Variants in ZPBP observed in about 807,000 individuals in gnomAD.
ZPBP encodes zona pellucida binding protein.
Under a neutral mutation model 44.8 loss-of-function variants are expected in ZPBP, and 26 were observed. The ratio of observed to expected loss-of-function variants is 0.58; its 90% CI spans 0.43 to 0.81. ZPBP has a LOEUF of 0.81. ZPBP is among the 30% of genes least tolerant of loss of function. The pLI, the probability that ZPBP is intolerant of heterozygous loss-of-function variation, is 0.00. For missense variants in ZPBP, 409 were observed against 434.0 expected, an observed-to-expected ratio of 0.94 and a Z score of 0.51; for synonymous variants, 174 against 153.2, an observed-to-expected ratio of 1.14 and a Z score of -1.00.
chr7:50,040,424 C>T (rs896705366), intron 4 of ZPBP, among the ~76,000 whole-genome samples: 22 of 152,298 alleles, frequency 1.4e-4, no homozygotes, highest in South Asian at 4.1e-4. Flanking sequence ...GCGAGATCAA[C>T]GCAGAAGGCA....
At position 50,021,249 on chromosome 7, in the gene ZPBP, A is replaced by G. The variant is rs1799078542; in HGVS notation, c.707-2933T>C. 2.0e-5 allele frequency among the ~76,000 whole-genome samples: 3 copies of G among 152,112 alleles called. No homozygotes were observed. The South Asian group carries it at 6.2e-4, about 31-fold the overall frequency. On this transcript the variant is annotated intron_variant, in intron 5 of 7. Coordinates refer to ENST00000046087, the MANE Select transcript of ZPBP (RefSeq NM_007009.3). ...TCAGCTATCTTAAATATGCTCAAAGAACTAAAGAAAACCATGAACAAAGAA... is the reference window on the plus strand; with the variant it reads ...TCAGCTATCTTAAATATGCTCAAAGGACTAAAGAAAACCATGAACAAAGAA...
intron 6 of ZPBP, among the ~76,000 whole-genome samples, chr7:49,989,687 C>T (rs904325421): frequency 3.3e-5 from 5 of 152,156 alleles, no homozygotes; most frequent in African/African-American, 1.2e-4. Flanking sequence ...AGTAACCCTG[C>T]TTATTCCTGT....
At position 50,031,135 on chromosome 7, in the gene ZPBP, C is replaced by T; in HGVS notation, c.663G>A (p.Met221Ile). Residue 221 changes from methionine to isoleucine, a missense_variant, in exon 5 of 8, where the codon ATG becomes ATA. Physicochemically the swap from Met to Ile is conservative, Grantham distance 10. This residue lies in a region of ZPBP where 367 missense variants were observed against 363.1 expected (regional missense o/e 1.01). Coordinates refer to ENST00000046087, the MANE Select transcript of ZPBP (RefSeq NM_007009.3). The stretch of plus-strand genomic sequence containing the variant: ...ATTCATTTTGCAAACCAGCTCTTTG[C>T]ATTTTAACGCGATGGCATTCAGACT... ...LLKSECHRVK[M>I]QRAGLQNELF... The T allele has an allele frequency of 6.2e-7, 1 of 1,613,724 alleles. No homozygotes were observed. Among genetic ancestry groups the T allele is most frequent in the Non-Finnish European group, 8.5e-7 (1 of 1,179,834 alleles).
intron 3 of ZPBP, among the ~76,000 whole-genome samples, chr7:50,075,718 C>G (rs897291152): frequency 1.3e-5 from 2 of 151,908 alleles, no homozygotes; most frequent in African/African-American, 4.8e-5. Flanking sequence ...CATTCAAAAG[C>G]TGAACAGACC....
intron 2 of ZPBP, among the ~76,000 whole-genome samples, chr7:49,897,155 A>G (rs1212496312): frequency 1.3e-5 from 2 of 151,988 alleles, no homozygotes; most frequent in African/African-American, 4.8e-5. Context: ...TCGGCCTCCC[A>G]AAGTGCTGGG....
intron 1 of ZPBP, chr7:49,920,752 C>A (rs1793982963): frequency 6.6e-6 from 1 of 151,966 alleles, no homozygotes; most frequent in Admixed American, 6.6e-5. Context: ...ATTTTAAATA[C>A]TTATTCCATA....
chr7:49,904,046 G>T (rs1018609597), intron 1 of ZPBP, among the ~76,000 whole-genome samples: 17 of 152,126 alleles, frequency 1.1e-4, no homozygotes, highest in African/African-American at 4.1e-4. Context: ...CCCCTTGGTG[G>T]TTGCCATCTT....
At chr7:50,038,381 C>G (rs912167554) in intron 4 of ZPBP, among the ~76,000 whole-genome samples, 1 of 152,206 alleles carries the variant, frequency 6.6e-6, no homozygotes, top group Non-Finnish European at 1.5e-5. Flanking sequence ...GACAGCAACA[C>G]AGAGTCACCT....
At chr7:49,849,652 C>T (rs577605458), downstream of ZPBP, among the ~76,000 whole-genome samples, 56 of 152,334 alleles carry the variant, frequency 3.7e-4, no homozygotes, top group Middle Eastern at 3.4e-3. Context: ...TAGAGTCTAA[C>T]GCTGGGTGCT....
chr7:50,002,045 G>A (rs926982250), intron 6 of ZPBP, among the ~76,000 whole-genome samples: 7 of 152,096 alleles, frequency 4.6e-5, no homozygotes, highest in African/African-American at 1.7e-4. Flanking sequence ...ATTTTTTGTA[G>A]AGACAGTGTA....
chr7:50,001,069 C>T (rs918515684), intron 6 of ZPBP, among the ~76,000 whole-genome samples: 2 of 152,134 alleles, frequency 1.3e-5, no homozygotes, highest in African/African-American at 4.8e-5. Context: ...TGGCAGAAAC[C>T]AACCCTGCCA....
the ZPBP span, among the ~76,000 whole-genome samples, chr7:49,841,444 G>A: frequency 6.6e-6 from 1 of 152,166 alleles, no homozygotes; most frequent in Non-Finnish European, 1.5e-5. Context: ...ATTTAAGGTA[G>A]GGATTCAGTG....
chr7:50,065,428 A>G (rs997966863), intron 3 of ZPBP, among the ~76,000 whole-genome samples: 4 of 150,750 alleles, frequency 2.7e-5, no homozygotes, highest in Non-Finnish European at 5.9e-5. Flanking sequence ...TTCTCCGTAG[A>G]GTTTTGTTAT....
chr7:50,092,548 GTGTT>G (rs1480814080), intron 1 of ZPBP, among the ~76,000 whole-genome samples: 1 of 152,168 alleles, frequency 6.6e-6, no homozygotes, highest in Admixed American at 6.5e-5. Flanking sequence ...TCCTTCGTCA[GTGTT>G]TGTTCATCAG....
At chr7:49,871,441 A>G (rs1366698129) in intron 2 of ZPBP, among the ~76,000 whole-genome samples, 1 of 152,244 alleles carries the variant, frequency 6.6e-6, no homozygotes, top group African/African-American at 2.4e-5. Flanking sequence ...AGAATAAAAT[A>G]TACTGTATAC....
intron 1 of ZPBP, chr7:49,919,226 G>A (rs1310155527): frequency 1.3e-5 from 2 of 152,072 alleles, no homozygotes; most frequent in African/African-American, 2.4e-5. Flanking sequence ...TGCATTCTAT[G>A]TGTCAACTGC....
intron 4 of ZPBP, among the ~76,000 whole-genome samples, chr7:50,040,328 T>C (rs916550045): frequency 6.6e-6 from 1 of 152,192 alleles, no homozygotes; most frequent in African/African-American, 2.4e-5. Flanking sequence ...AAGAATGCAA[T>C]AGTGGTGACA....
At chr7:50,054,393 A>G (rs1800832815) in intron 4 of ZPBP, among the ~76,000 whole-genome samples, 1 of 152,166 alleles carries the variant, frequency 6.6e-6, no homozygotes, top group African/African-American at 2.4e-5. Flanking sequence ...AGAAAAAGAC[A>G]AACTATGCGA....
At chr7:49,967,430 T>C (rs1796107043) in intron 7 of ZPBP, among the ~76,000 whole-genome samples, 1 of 152,182 alleles carries the variant, frequency 6.6e-6, no homozygotes, top group Admixed American at 6.5e-5. Flanking sequence ...GTCTCATCCA[T>C]ACAAGACTGA....
Sources: gnomAD v4.1 joint callset for allele counts (sites outside exome capture counted in the v4.1 genomes callset) on GRCh38, gnomAD v4.1.1 for gene constraint, gnomAD v4.1.1 regional missense constraint, MANE v1.5 for transcripts, NCBI Gene and HGNC (gene_info 2026-07-23, HGNC 2026-07-21) for gene names.